Variants in GRB10 observed in about 807,000 individuals in gnomAD.
GRB10 encodes the protein growth factor receptor-bound protein 10.
GRB10 carries 20 observed loss-of-function variants against 80.9 expected under a neutral mutation model. That is an observed-to-expected ratio of 0.25 (90% CI 0.17 to 0.36). The LOEUF (loss-of-function observed/expected upper bound fraction) is 0.36, where lower values mean the gene tolerates loss of function less well. Among genes scored for constraint, GRB10 ranks in the 10% least tolerant of loss-of-function variants. The pLI, the probability that GRB10 is intolerant of heterozygous loss-of-function variation, is 1.00. For synonymous variants in GRB10, 291 were observed against 291.5 expected (o/e 1.00, Z 0.02); for missense variants, 548 against 747.7 (o/e 0.73, Z 3.12).
chr7:50,785,514 G>A (rs1360627684), upstream of GRB10, among the ~76,000 whole-genome samples: 3 of 152,222 alleles, frequency 2.0e-5, no homozygotes, highest in Non-Finnish European at 4.4e-5. Flanking sequence ...ATGGTGACGG[G>A]CACTGACAGG....
chr7:50,681,547 T>C (rs1347496716), intron 5 of GRB10, among the ~76,000 whole-genome samples: 1 of 152,186 alleles, frequency 6.6e-6, no homozygotes, highest in Non-Finnish European at 1.5e-5. Context: ...TAAAATCATA[T>C]CTCCCTTGTG....
At chr7:50,738,908 T>C (rs993221417) in intron 3 of GRB10, among the ~76,000 whole-genome samples, 2 of 152,216 alleles carry the variant, frequency 1.3e-5, no homozygotes, top group African/African-American at 4.8e-5. Flanking sequence ...GGTTTCACAT[T>C]GTTCTTTTAA....
At chr7:50,645,301 G>A (rs1288191425) in intron 7 of GRB10, among the ~76,000 whole-genome samples, 1 of 152,126 alleles carries the variant, frequency 6.6e-6, no homozygotes, top group East Asian at 1.9e-4. Context: ...AAACTATGGA[G>A]ATTTCTTTGA....
At chr7:50,607,643 G>A (rs893103590) in intron 13 of GRB10, among the ~76,000 whole-genome samples, 3 of 152,172 alleles carry the variant, frequency 2.0e-5, no homozygotes, top group African/African-American at 7.2e-5. Context: ...ATGTTACAGA[G>A]CACAGAACTG....
At chr7:50,615,928 A>G (rs2050536401) in intron 11 of GRB10, among the ~76,000 whole-genome samples, 1 of 152,196 alleles carries the variant, frequency 6.6e-6, no homozygotes, top group African/African-American at 2.4e-5. Flanking sequence ...CAGTCTCTGA[A>G]GTGATGGGGC....
chr7:50,612,103 T>C (rs2049647223), intron 13 of GRB10, among the ~76,000 whole-genome samples: 1 of 152,238 alleles, frequency 6.6e-6, no homozygotes, highest in Admixed American at 6.5e-5. Context: ...TACCACGTGA[T>C]AAATTTCCTT....
intron 5 of GRB10, among the ~76,000 whole-genome samples, chr7:50,688,975 A>G (rs2062444442): frequency 6.6e-6 from 1 of 152,184 alleles, no homozygotes; most frequent in African/African-American, 2.4e-5. Flanking sequence ...AGAGCTGGCC[A>G]TGCACAGAGC....
Position 50,662,196 on chromosome 7 carries a change from C to T in GRB10, c.504+7526G>A, listed in dbSNP as rs573664457. On this transcript the variant is annotated intron_variant, in intron 7 of 18. Coordinates refer to ENST00000401949, the MANE Select transcript of GRB10 (RefSeq NM_001350814.2). ...AGCCCCTGGCAGTCCCAGGCTGGTG[C>T]ATGGCAGGAGGGGCAGCTTCCTGGC... is the stretch of plus-strand genomic sequence containing the variant. 2.4e-3 allele frequency among the ~76,000 whole-genome samples: 364 copies of T among 152,282 alleles called. 1 individual carries two copies. The highest frequency in any genetic ancestry group is 7.7e-3 in the African/African-American group (319 of 41,564).
At chr7:50,618,285 C>T in intron 9 of GRB10, 146 bp from the exon 10 acceptor site, 1 of 697,778 alleles carries the variant, frequency 1.4e-6, no homozygotes. Context: ...TTTTATTCTC[C>T]TATCACACAG....
At chr7:50,720,231 T>A (rs1435671698) in intron 4 of GRB10, among the ~76,000 whole-genome samples, 1 of 152,202 alleles carries the variant, frequency 6.6e-6, no homozygotes, top group South Asian at 2.1e-4. Context: ...AAGTTAAAAA[T>A]AATGTTAATA....
chr7:50,742,657 C>T (rs1031428080), intron 3 of GRB10, among the ~76,000 whole-genome samples: 37 of 151,626 alleles, frequency 2.4e-4, no homozygotes, highest in African/African-American at 8.5e-4. Context: ...CATATTACAT[C>T]ACTAGGGGGA....
At chr7:50,606,688 A>C in intron 13 of GRB10, 1 of 478,098 alleles carries the variant, frequency 2.1e-6, no homozygotes, top group South Asian at 2.1e-5. Flanking sequence ...ATGATAACAT[A>C]AACAGTTAAT....
intron 7 of GRB10, among the ~76,000 whole-genome samples, chr7:50,652,512 G>A (rs1025603790): frequency 6.6e-6 from 1 of 152,192 alleles, no homozygotes; most frequent in African/African-American, 2.4e-5. Context: ...CCACTGAACT[G>A]ACTGCTAATA....
chr7:50,762,793 A>G (rs1466279542), intron 2 of GRB10, among the ~76,000 whole-genome samples: 2 of 152,234 alleles, frequency 1.3e-5, no homozygotes, highest in Admixed American at 1.3e-4. Context: ...ACTTCTGTTC[A>G]GCAAAAGACC....
chr7:50,678,085 G>A (rs778311861), intron 5 of GRB10, among the ~76,000 whole-genome samples: 3 of 152,184 alleles, frequency 2.0e-5, no homozygotes, highest in Non-Finnish European at 2.9e-5. Context: ...TGCTCCCCAG[G>A]CAAGCAGCCC....
At chr7:50,606,241 T>G in intron 14 of GRB10, 96 bp downstream of exon 14, 1 of 994,114 alleles carries the variant, frequency 1.0e-6, no homozygotes, top group South Asian at 1.3e-5. Context: ...CTCCAGAGCT[T>G]CTCTTGCCCA....
chr7:50,674,452 G>T lies in GRB10; in HGVS notation c.346C>A (p.His116Asn), dbSNP rs748446709. Residue 116 changes from histidine (H) to asparagine (N), a missense_variant, in exon 6 of 19, where the codon CAC (histidine) becomes AAC (asparagine). Physicochemically the swap from His to Asn is moderately conservative, Grantham distance 68 (BLOSUM62 1). Coordinates refer to ENST00000401949, the MANE Select transcript of GRB10 (RefSeq NM_001350814.2). ...RQRVQRSQPV[H>N]ILAVRRLQEE... The stretch of plus-strand genomic sequence containing the variant: ...TGGACCTACCTGACAGCGAGGATGT[G>T]CACAGGCTGGGAGCGCTGCACCCTC... 6.2e-7 allele frequency: 1 copy of T among 1,605,494 alleles called. No homozygotes were observed. Among genetic ancestry groups the T allele is most frequent in the Admixed American group, 1.7e-5 (1 of 60,024 alleles).
chr7:50,771,700 G>T (rs7790423), intron 2 of GRB10, among the ~76,000 whole-genome samples: 10,737 of 152,192 alleles, frequency 0.071, 470 homozygotes, highest in East Asian at 0.2. Flanking sequence ...ACTGGTAGAA[G>T]AGACCAGAAC....
intron 1 of GRB10, chr7:50,792,532 T>G (rs1427143815): frequency 7.5e-6 from 3 of 398,388 alleles, no homozygotes; most frequent in African/African-American, 6.2e-5. Flanking sequence ...CATCAGAAAT[T>G]TCCTTCTGCA....
Sources: gnomAD v4.1 joint callset for allele counts (sites outside exome capture counted in the v4.1 genomes callset) on GRCh38, gnomAD v4.1.1 for gene constraint, MANE v1.5 for transcripts, NCBI Gene and HGNC (gene_info 2026-07-23, HGNC 2026-07-21) for gene names.